The following SHTN1 variants were observed in gnomAD, a reference collection of about 807,000 sequenced individuals.
SHTN1 encodes shootin 1.
A neutral mutation model predicts 83.1 loss-of-function variants in SHTN1; 42 were observed. The ratio of observed to expected loss-of-function variants is 0.51; its 90% CI spans 0.39 to 0.65. The LOEUF is 0.65. SHTN1 is among the 30% of genes least tolerant of loss of function. The pLI is 0.00. For synonymous variants in SHTN1, 224 were observed against 247.7 expected, an observed-to-expected ratio of 0.90 and a Z score of 0.90; for missense variants, 622 against 737.8, an observed-to-expected ratio of 0.84 and a Z score of 1.82.
intron 3 of SHTN1, among the ~76,000 whole-genome samples, chr10:116,963,035 G>GTTTTTTTT (rs71013628): frequency 2.2e-5 from 1 of 45,260 alleles, no homozygotes; most frequent in African/African-American, 7.1e-5. Flanking sequence ...AATAATAAAA[G>GTTTTTTTT]TTTTTTTTTT....
At chr10:116,999,930 A>C (rs527595526) in intron 1 of SHTN1, among the ~76,000 whole-genome samples, 8 of 152,210 alleles carry the variant, frequency 5.3e-5, no homozygotes, top group African/African-American at 4.8e-5. Flanking sequence ...TAAATACATA[A>C]ATAAATAAAT....
Position 116,883,606 on chromosome 10 carries a change from G to C in SHTN1, c.*2738C>G, listed in dbSNP as rs1056045053. ...GCTGTGATACAGACTATCATTTACT[G>C]AACACACAACCAAAAACTGGTCTGG... On this transcript the variant is annotated 3_prime_UTR_variant, in exon 17 of 17. Transcript: ENST00000355371. The C allele has an allele frequency of 2.6e-5, 4 of 152,480 alleles. No individual in the cohort carries two copies. Among genetic ancestry groups the C allele is most frequent in the African/African-American group, 9.6e-5 (4 of 41,460 alleles). The allele number at this position is 152,480 out of a possible 1,614,324, so 9.4% of individuals were successfully genotyped here.
intron 2 of SHTN1, among the ~76,000 whole-genome samples, chr10:116,975,650 A>G (rs1420525973): frequency 6.6e-6 from 1 of 151,920 alleles, no homozygotes; most frequent in Non-Finnish European, 1.5e-5. Context: ...TCACTGATAA[A>G]AAAAAAAAAC....
chr10:117,040,789 TA>T (rs1020505052), intron 2 of SHTN1, among the ~76,000 whole-genome samples: 1 of 152,166 alleles, frequency 6.6e-6, no homozygotes, highest in South Asian at 2.1e-4. Context: ...TAACAATGTT[TA>T]AAAAAATTTT....
chr10:116,906,764 A>G lies in SHTN1; in HGVS notation c.1360-17T>C. 1 of 1,596,910 alleles carries G rather than the reference A, an allele frequency of 6.3e-7. No individual in the cohort carries two copies. The highest frequency in any genetic ancestry group is 2.2e-5 in the East Asian group (1 of 44,612). The stretch of plus-strand genomic sequence containing the variant: ...AAGTGTCCCCTAAAGTGAAAACAAA[A>G]CAAAAACAAAAAGGTTAATGTCTTA... On this transcript the variant is annotated splice_polypyrimidine_tract_variant and intron_variant, in intron 14 of 16. Transcript: ENST00000355371.
intron 1 of SHTN1, among the ~76,000 whole-genome samples, chr10:117,108,556 G>A (rs1204802043): frequency 4.3e-5 from 5 of 117,038 alleles, no homozygotes; most frequent in South Asian, 6.6e-4. Flanking sequence ...GGGGCCTGTC[G>A]TGGGGTGGGG....
intron 9 of SHTN1, among the ~76,000 whole-genome samples, chr10:116,938,702 A>C (rs1025342061): frequency 6.6e-6 from 1 of 152,222 alleles, no homozygotes; most frequent in Non-Finnish European, 1.5e-5. Flanking sequence ...CTGCGCTGGG[A>C]AATCTGCTGC....
intron 1 of SHTN1, among the ~76,000 whole-genome samples, chr10:116,982,104 A>G (rs940772019): frequency 6.6e-6 from 1 of 152,182 alleles, no homozygotes; most frequent in Non-Finnish European, 1.5e-5. Flanking sequence ...TTATATTGAC[A>G]TTAAGAAATT....
intron 7 of SHTN1, among the ~76,000 whole-genome samples, chr10:116,945,827 A>G (rs779172087): frequency 6.6e-6 from 1 of 152,184 alleles, no homozygotes; most frequent in Non-Finnish European, 1.5e-5. Context: ...GAAACAGCCC[A>G]AAGTCTACCA....
chr10:117,108,675 G>A (rs142827010), intron 1 of SHTN1, among the ~76,000 whole-genome samples: 1 of 151,740 alleles, frequency 6.6e-6, no homozygotes, highest in Non-Finnish European at 1.5e-5. Flanking sequence ...CCTGCACGTT[G>A]TGCACATGTA....
chr10:117,034,655 C>G (rs1183693760), intron 2 of SHTN1, among the ~76,000 whole-genome samples: 1 of 150,582 alleles, frequency 6.6e-6, no homozygotes, highest in Non-Finnish European at 1.5e-5. Context: ...AAAAAAAAAT[C>G]AACATAGAAA....
At chr10:117,039,196 G>C (rs1319265994) in intron 2 of SHTN1, among the ~76,000 whole-genome samples, 1 of 152,166 alleles carries the variant, frequency 6.6e-6, no homozygotes, top group Non-Finnish European at 1.5e-5. Flanking sequence ...AAAAGACATG[G>C]AGGAAATTTA....
At chr10:116,985,131 A>G (rs1488167583) in intron 1 of SHTN1, among the ~76,000 whole-genome samples, 1 of 152,234 alleles carries the variant, frequency 6.6e-6, no homozygotes, top group Non-Finnish European at 1.5e-5. Context: ...ATTATAAATT[A>G]TCTGTGCACA....
intron 16 of SHTN1, among the ~76,000 whole-genome samples, chr10:116,898,928 A>G (rs1194983224): frequency 6.6e-6 from 1 of 152,210 alleles, no homozygotes; most frequent in Non-Finnish European, 1.5e-5. Flanking sequence ...ACTCAATTAT[A>G]TGGAATCTAT....
chr10:117,029,425 T>C (rs2133570872), intron 2 of SHTN1, among the ~76,000 whole-genome samples: 1 of 152,268 alleles, frequency 6.6e-6, no homozygotes, highest in Non-Finnish European at 1.5e-5. Context: ...GAAGGCATGA[T>C]GGTATTTTGC....
At chr10:116,938,251 T>A (rs1276695946) in intron 9 of SHTN1, among the ~76,000 whole-genome samples, 2 of 151,980 alleles carry the variant, frequency 1.3e-5, no homozygotes, top group Non-Finnish European at 2.9e-5. Context: ...GGCATTCTGG[T>A]TTTTGGAATT....
chr10:116,949,197 C>T (rs972006232), intron 6 of SHTN1, among the ~76,000 whole-genome samples, 200 bp from the exon 7 acceptor site: 5 of 152,156 alleles, frequency 3.3e-5, no homozygotes, highest in African/African-American at 1.2e-4. Context: ...AGGATGTATA[C>T]CTGGTACAGA....
chr10:117,029,857 TCTCC>T (rs1190280438), intron 2 of SHTN1, among the ~76,000 whole-genome samples: 23 of 150,634 alleles, frequency 1.5e-4, no homozygotes, highest in African/African-American at 4.4e-4. Flanking sequence ...TCTCTCTCTC[TCTCC>T]CTCCCTCCCT....
chr10:117,076,366 G>GCCCAGGTTTT, intron 1 of SHTN1, among the ~76,000 whole-genome samples: 1 of 152,124 alleles, frequency 6.6e-6, no homozygotes, highest in South Asian at 2.1e-4. Context: ...CTGAACTAAA[G>GCCCAGGTTTT]CCCAGGTTTT....
Sources: allele counts gnomAD v4.1 joint callset (sites outside exome capture counted in the v4.1 genomes callset), GRCh38; gene constraint gnomAD v4.1.1; transcripts MANE v1.5; gene names NCBI Gene and HGNC (gene_info 2026-07-23, HGNC 2026-07-21).